The following MYO3B variants were observed in gnomAD, a reference collection of about 807,000 sequenced individuals.
The protein encoded by MYO3B is myosin IIIB, also known as myosin-IIIb.
Under a neutral mutation model 174.6 loss-of-function variants are expected in MYO3B, and 156 were observed. The ratio of observed to expected loss-of-function variants is 0.89; its 90% CI spans 0.78 to 1.02. The LOEUF (loss-of-function observed/expected upper bound fraction) is 1.02. MYO3B is among the 50% of genes least tolerant of loss of function. The pLI, the probability that MYO3B is intolerant of heterozygous loss-of-function variation, is 0.00. For synonymous variants in MYO3B, 563 were observed against 569.1 expected (o/e 0.99, Z 0.15); for missense variants, 1,632 against 1,639.4 (o/e 1.00, Z 0.08).
chr2:170,396,073 A>T (rs1020682693), intron 16 of MYO3B, among the ~76,000 whole-genome samples: 2 of 152,232 alleles, frequency 1.3e-5, no homozygotes, highest in African/African-American at 4.8e-5. Flanking sequence ...ATACCCATCA[A>T]CAATAAATTG....
intron 32 of MYO3B, among the ~76,000 whole-genome samples, chr2:170,601,340 A>G (rs1303963049): frequency 1.3e-5 from 2 of 152,212 alleles, no homozygotes; most frequent in Admixed American, 6.5e-5. Flanking sequence ...TGTGCTGTGC[A>G]CCAACAAGAA....
At chr2:170,188,565 A>G (rs2092499400) in intron 1 of MYO3B, among the ~76,000 whole-genome samples, 1 of 151,306 alleles carries the variant, frequency 6.6e-6, no homozygotes, top group Admixed American at 6.6e-5. Context: ...TTTTCTTTTT[A>G]GTGAAGGTGA....
At chr2:170,314,697 A>T (rs924892565) in intron 7 of MYO3B, among the ~76,000 whole-genome samples, 20 of 152,204 alleles carry the variant, frequency 1.3e-4, no homozygotes, top group Admixed American at 2.6e-4. Context: ...ATGTTTTGTG[A>T]TGGCTATGGG....
intron 32 of MYO3B, among the ~76,000 whole-genome samples, chr2:170,569,127 A>G (rs199934089): frequency 1.7e-5 from 2 of 118,880 alleles, no homozygotes; most frequent in Non-Finnish European, 3.6e-5. Flanking sequence ...TTTTTCTTTT[A>G]TTAACCATCA....
intron 8 of MYO3B, among the ~76,000 whole-genome samples, chr2:170,354,329 A>G (rs753160696): frequency 1.1e-4 from 17 of 152,096 alleles, no homozygotes; most frequent in Non-Finnish European, 1.6e-4. Flanking sequence ...TCTAGAGCAG[A>G]GATGGGTGGG....
chr2:170,633,173 G>T (rs1197618495), intron 32 of MYO3B, among the ~76,000 whole-genome samples: 1 of 152,162 alleles, frequency 6.6e-6, no homozygotes, highest in Admixed American at 6.5e-5. Flanking sequence ...AACAAAACAA[G>T]AGAATTTTAG....
At chr2:170,622,491 C>G (rs1334250277) in intron 32 of MYO3B, among the ~76,000 whole-genome samples, 1 of 152,182 alleles carries the variant, frequency 6.6e-6, no homozygotes, top group Non-Finnish European at 1.5e-5. Flanking sequence ...AAGCCTTACC[C>G]CAAGTCCCTG....
intron 30 of MYO3B, among the ~76,000 whole-genome samples, chr2:170,540,462 T>C (rs939208906): frequency 3.3e-5 from 5 of 152,096 alleles, no homozygotes; most frequent in Non-Finnish European, 5.9e-5. Flanking sequence ...TTCAATTAAA[T>C]AGAGACAGGG....
Position 170,214,399 on chromosome 2 carries a change from C to T in MYO3B, c.342C>T (p.Val114=), listed in dbSNP as rs1373218684. Residue 114 remains valine, a synonymous_variant, in exon 4 of 35, where the codon GTC becomes GTT. Coordinates refer to ENST00000408978, the MANE Select transcript of MYO3B (RefSeq NM_138995.5). The stretch of plus-strand genomic sequence containing the variant: ...TGCAGCTGTGTAATGGGGGCTCAGT[C>T]ACTGAGCTTGTCAAAGGTCTACTCA... ...LVLELCNGGS[V]TELVKGLLRC... 6.2e-7 allele frequency: 1 copy of T among 1,613,952 alleles called. No homozygotes were observed. The highest frequency in any genetic ancestry group is 1.3e-5 in the African/African-American group (1 of 74,898).
chr2:170,295,218 T>A (rs943349312), intron 7 of MYO3B, among the ~76,000 whole-genome samples: 4 of 151,994 alleles, frequency 2.6e-5, no homozygotes, highest in African/African-American at 4.8e-5. Flanking sequence ...TAAAAAAAAA[T>A]TATCCTGAGA....
intron 1 of MYO3B, 85 bp from the exon 2 acceptor site, chr2:170,199,123 A>G (rs2092632626): frequency 1.1e-6 from 1 of 951,886 alleles, no homozygotes; most frequent in Non-Finnish European, 1.5e-6. Context: ...GTTGCTGGTT[A>G]AGAAATAAAA....
At chr2:170,527,461 G>A (rs372206986) in intron 30 of MYO3B, among the ~76,000 whole-genome samples, 40 of 152,226 alleles carry the variant, frequency 2.6e-4, no homozygotes, top group East Asian at 1.7e-3. Context: ...CATGTCATTC[G>A]GACTTCTGAT....
intron 22 of MYO3B, among the ~76,000 whole-genome samples, chr2:170,417,762 A>G (rs1421904151): frequency 6.6e-6 from 1 of 152,204 alleles, no homozygotes; most frequent in Non-Finnish European, 1.5e-5. Flanking sequence ...CCTTTTTATA[A>G]GGACATCATC....
chr2:170,292,410 A>G (rs1455389993), intron 7 of MYO3B, among the ~76,000 whole-genome samples: 1 of 152,162 alleles, frequency 6.6e-6, no homozygotes, highest in African/African-American at 2.4e-5. Context: ...TGGCTGTCTC[A>G]TTAGGTCAGT....
At chr2:170,501,490 A>G (rs1215287316) in intron 27 of MYO3B, among the ~76,000 whole-genome samples, 1 of 152,214 alleles carries the variant, frequency 6.6e-6, no homozygotes, top group Non-Finnish European at 1.5e-5. Flanking sequence ...GAATGACAGG[A>G]AACCATCTCA....
chr2:170,490,231 T>C (rs886972222), intron 25 of MYO3B, among the ~76,000 whole-genome samples: 2 of 152,126 alleles, frequency 1.3e-5, no homozygotes, highest in South Asian at 2.1e-4. Flanking sequence ...GGTTTCACCA[T>C]GTTAGCCAGG....
intron 32 of MYO3B, among the ~76,000 whole-genome samples, chr2:170,634,057 A>G (rs1697253630): frequency 6.6e-6 from 1 of 152,332 alleles, no homozygotes; most frequent in Admixed American, 6.5e-5. Flanking sequence ...TAATTTATAG[A>G]TGCAATGCCA....
At chr2:170,521,813 T>A (rs1018121929) in intron 30 of MYO3B, among the ~76,000 whole-genome samples, 70 of 152,314 alleles carry the variant, frequency 4.6e-4, no homozygotes, top group African/African-American at 1.6e-3. Flanking sequence ...CACTGCCTCA[T>A]TTCCTCACTA....
chr2:170,515,869 G>A (rs560782157), intron 29 of MYO3B, among the ~76,000 whole-genome samples: 72 of 152,180 alleles, frequency 4.7e-4, no homozygotes, highest in African/African-American at 1.7e-3. Flanking sequence ...TTACCTTGGG[G>A]CAAGGAGGTT....
Sources: gnomAD v4.1 joint callset for allele counts (sites outside exome capture counted in the v4.1 genomes callset) on GRCh38, gnomAD v4.1.1 for gene constraint, MANE v1.5 for transcripts, NCBI Gene and HGNC (gene_info 2026-07-23, HGNC 2026-07-21) for gene names.